The following PKD1L1 variants were observed in gnomAD, a reference collection of about 807,000 sequenced individuals.
The protein encoded by PKD1L1 is polycystin-1-like protein 1.
PKD1L1 carries 236 observed loss-of-function variants against 323.4 expected under a neutral mutation model. The observed-to-expected ratio is 0.73, with a 90% CI of 0.66 to 0.81. PKD1L1 has a LOEUF of 0.81. Among genes scored for constraint, PKD1L1 ranks in the 40% least tolerant of loss-of-function variants. PKD1L1 has a pLI of 0.00. For synonymous variants in PKD1L1, 1,344 were observed against 1,335.0 expected, an observed-to-expected ratio of 1.01 and a Z score of -0.15; for missense variants, 3,320 against 3,508.0, an observed-to-expected ratio of 0.95 and a Z score of 1.35.
chr7:47,880,279 T>G (rs1786517871), intron 21 of PKD1L1, among the ~76,000 whole-genome samples: 11 of 83,000 alleles, frequency 1.3e-4, no homozygotes, highest in African/African-American at 6.4e-4. Context: ...TATATATATA[T>G]ATATATTTTT....
At chr7:47,842,850 A>T (rs1785589608) in intron 34 of PKD1L1, 112 bp downstream of exon 34, 2 of 1,001,570 alleles carry the variant, frequency 2.0e-6, no homozygotes, top group Non-Finnish European at 2.9e-6. Context: ...CAGCAATGAG[A>T]TGAGGCTGCT....
chr7:47,864,978 G>A (rs1032987067), intron 26 of PKD1L1, among the ~76,000 whole-genome samples: 2 of 151,856 alleles, frequency 1.3e-5, no homozygotes, highest in African/African-American at 2.4e-5. Context: ...CGCCCGCCTC[G>A]GCCTCCCAAA....
intron 7 of PKD1L1, among the ~76,000 whole-genome samples, chr7:47,924,066 T>C (rs1041149724): frequency 3.3e-5 from 5 of 152,160 alleles, no homozygotes; most frequent in Admixed American, 2.6e-4. Context: ...TGATGGGTTC[T>C]TCTTTCCCAC....
intron 26 of PKD1L1, among the ~76,000 whole-genome samples, chr7:47,863,591 C>T (rs1270317858): frequency 6.6e-6 from 1 of 152,146 alleles, no homozygotes; most frequent in East Asian, 1.9e-4. Flanking sequence ...GCAGATTGAG[C>T]CCCACAGAAG....
At chr7:47,880,876 T>C in intron 20 of PKD1L1, 71 bp from the exon 21 acceptor site, 4 of 1,238,194 alleles carry the variant, frequency 3.2e-6, no homozygotes, top group East Asian at 2.6e-5. Flanking sequence ...ACAGAGTCCT[T>C]GGAAATGAGT....
chr7:47,932,834 C>T (rs1303735474), intron 4 of PKD1L1, among the ~76,000 whole-genome samples: 1 of 152,212 alleles, frequency 6.6e-6, no homozygotes, highest in Non-Finnish European at 1.5e-5. Context: ...AAATCCAAGA[C>T]AAGTATTTCC....
At chr7:47,855,073 T>G (rs1785867817) in intron 29 of PKD1L1, 34 bp from the exon 30 acceptor site, 1 of 1,607,842 alleles carries the variant, frequency 6.2e-7, no homozygotes. Flanking sequence ...TAAGCAAAAT[T>G]TGCCTTTGGT....
chr7:47,794,760 G>T (rs183898298), intron 55 of PKD1L1, among the ~76,000 whole-genome samples: 16 of 152,264 alleles, frequency 1.1e-4, no homozygotes, highest in African/African-American at 3.6e-4. Context: ...AAAGCTACAG[G>T]GGCAGAGCTG....
At chr7:47,879,846 T>C (rs1786496430) in intron 21 of PKD1L1, among the ~76,000 whole-genome samples, 1 of 131,402 alleles carries the variant, frequency 7.6e-6, no homozygotes, top group Non-Finnish European at 1.6e-5. Flanking sequence ...GGCAGGAGAA[T>C]GGCGTGAACC....
chr7:47,909,107 T>C (rs940123248), intron 8 of PKD1L1, among the ~76,000 whole-genome samples: 1 of 152,214 alleles, frequency 6.6e-6, no homozygotes, highest in Admixed American at 6.5e-5. Flanking sequence ...TTAGGGTGGC[T>C]TGTTAACACA....
chr7:47,958,114 C>T, the PKD1L1 span, among the ~76,000 whole-genome samples: 17 of 151,764 alleles, frequency 1.1e-4, no homozygotes, highest in African/African-American at 4.1e-4. Context: ...CGTATGTAAC[C>T]ACAAAAGACC....
At chr7:47,917,917 A>C (rs1274873766) in intron 7 of PKD1L1, among the ~76,000 whole-genome samples, 1 of 152,140 alleles carries the variant, frequency 6.6e-6, no homozygotes, top group Non-Finnish European at 1.5e-5. Flanking sequence ...AATTAAAAAA[A>C]CCCAAAACCA....
At chr7:47,870,730 G>A (rs996479195) in intron 24 of PKD1L1, among the ~76,000 whole-genome samples, 5 of 152,064 alleles carry the variant, frequency 3.3e-5, no homozygotes, top group South Asian at 2.1e-4. Context: ...TAGGTGTGGC[G>A]GCACACACTT....
At chr7:47,861,423 T>C (rs1312851707) in intron 26 of PKD1L1, among the ~76,000 whole-genome samples, 3 of 152,160 alleles carry the variant, frequency 2.0e-5, no homozygotes, top group African/African-American at 7.2e-5. Context: ...AAAGTAATAT[T>C]TTTCCAGGGG....
At chr7:47,834,685 T>A (rs1785419306) in intron 39 of PKD1L1, among the ~76,000 whole-genome samples, 1 of 152,142 alleles carries the variant, frequency 6.6e-6, no homozygotes, top group African/African-American at 2.4e-5. Context: ...AGAAAATGGA[T>A]TCACTATCCA....
chr7:47,807,351 C>T (rs564366291), intron 52 of PKD1L1, among the ~76,000 whole-genome samples: 5 of 152,094 alleles, frequency 3.3e-5, no homozygotes, highest in Non-Finnish European at 5.9e-5. Context: ...CCTGGTTCTC[C>T]TTACACAGCG....
intron 8 of PKD1L1, 143 bp from the exon 9 acceptor site, chr7:47,908,393 G>A (rs1787253396): frequency 3.8e-6 from 3 of 798,006 alleles, no homozygotes; most frequent in South Asian, 3.6e-5. Flanking sequence ...TGTAGCAGCA[G>A]GGCCATTTCA....
chr7:47,940,124 C>T (rs1787953313), intron 3 of PKD1L1, 69 bp downstream of exon 3: 1 of 1,564,720 alleles, frequency 6.4e-7, no homozygotes, highest in Non-Finnish European at 8.7e-7. Flanking sequence ...CATGGAGGTG[C>T]TTTTTAGCTG....
chr7:47,833,645 T>C (rs1785395642), intron 40 of PKD1L1, among the ~76,000 whole-genome samples: 1 of 152,096 alleles, frequency 6.6e-6, no homozygotes, highest in African/African-American at 2.4e-5. Flanking sequence ...GGGCACACTG[T>C]GTTTCCAGCA....
Sources: gnomAD v4.1 joint callset for allele counts (sites outside exome capture counted in the v4.1 genomes callset) on GRCh38, gnomAD v4.1.1 for gene constraint, MANE v1.5 for transcripts, NCBI Gene and HGNC (gene_info 2026-07-23, HGNC 2026-07-21) for gene names.